PRKCZ: variants seen among roughly 807,000 people sequenced by gnomAD.
The protein encoded by PRKCZ is protein kinase C zeta, also known as protein kinase C zeta type.
In PRKCZ, 33 loss-of-function variants were observed where a neutral mutation model predicts 79.5. That is an observed-to-expected ratio of 0.41 (90% CI 0.31 to 0.55). The LOEUF (loss-of-function observed/expected upper bound fraction) is 0.55, where lower values mean the gene tolerates loss of function less well. PRKCZ is among the 20% of genes least tolerant of loss of function. PRKCZ has a pLI of 0.19. For missense variants in PRKCZ, 578 were observed against 813.5 expected (o/e 0.71, Z 3.52); for synonymous variants, 342 against 320.9 (o/e 1.07, Z -0.70).
intron 2 of PRKCZ, among the ~76,000 whole-genome samples, chr1:2,056,283 C>G (rs1660151256): frequency 6.6e-6 from 1 of 152,242 alleles, no homozygotes; most frequent in Non-Finnish European, 1.5e-5. Flanking sequence ...CGGGGTGGCT[C>G]TGACGCTGCA....
At position 2,172,021 on chromosome 1, in the gene PRKCZ, G is replaced by A. The variant is rs1684540796; in HGVS notation, c.1062-34G>A. ...AGCTGTTGGCGCAGCCTCTGGCACAGGCACTGCCCCCATGACGGCATCCCC... is the reference window on the plus strand; with the variant it reads ...AGCTGTTGGCGCAGCCTCTGGCACAAGCACTGCCCCCATGACGGCATCCCC... On this transcript the variant is annotated intron_variant, in intron 11 of 17. Transcript: ENST00000378567. This position sits in a 1 kb window ranked among gnomAD's most constrained non-coding sequence, Gnocchi z 7.8. The A allele has an allele frequency of 6.4e-7, 1 of 1,567,648 alleles. No individual in the cohort carries two copies. Among genetic ancestry groups the A allele is most frequent in the African/African-American group, 1.4e-5 (1 of 74,028 alleles).
At chr1:2,100,831 GA>G (rs1249943150) in intron 4 of PRKCZ, among the ~76,000 whole-genome samples, 2 of 152,156 alleles carry the variant, frequency 1.3e-5, no homozygotes, top group East Asian at 3.9e-4. Context: ...TGCATGAGAT[GA>G]AAGATGACAT....
chr1:2,067,724 G>A (rs145280269), intron 4 of PRKCZ, among the ~76,000 whole-genome samples: 4 of 152,292 alleles, frequency 2.6e-5, no homozygotes, highest in African/African-American at 4.8e-5. Flanking sequence ...CTGCAGTGCC[G>A]GGTGAGGCCA....
At chr1:2,130,768 T>C (rs149050776) in intron 4 of PRKCZ, among the ~76,000 whole-genome samples, 93 of 152,058 alleles carry the variant, frequency 6.1e-4, no homozygotes, top group African/African-American at 2.1e-3. Flanking sequence ...ATCTCATCCA[T>C]ACTCACCCTC....
At chr1:2,126,731 T>C (rs1252341066) in intron 4 of PRKCZ, among the ~76,000 whole-genome samples, 1 of 152,246 alleles carries the variant, frequency 6.6e-6, no homozygotes, top group African/African-American at 2.4e-5. Context: ...AGGCTTGGAC[T>C]GTGAGACTGG....
chr1:2,103,121 G>T (rs560464443), intron 4 of PRKCZ, among the ~76,000 whole-genome samples: 1 of 152,150 alleles, frequency 6.6e-6, no homozygotes, highest in Non-Finnish European at 1.5e-5. Flanking sequence ...CACTTCGCCC[G>T]CCCAAAGTAC....
chr1:2,056,619 G>C, intron 3 of PRKCZ, 46 bp downstream of exon 3: 1 of 1,537,270 alleles, frequency 6.5e-7, no homozygotes, highest in Non-Finnish European at 8.9e-7. Context: ...GGCTGTTCCT[G>C]GCTGTGGGTG....
intron 5 of PRKCZ, among the ~76,000 whole-genome samples, chr1:2,137,053 C>T (rs1192746237): frequency 6.6e-6 from 1 of 152,192 alleles, no homozygotes; most frequent in Admixed American, 6.5e-5. Flanking sequence ...GTGGCTCACT[C>T]CGAGTCCAAA....
chr1:2,053,088 G>C (rs936116851), intron 1 of PRKCZ, among the ~76,000 whole-genome samples: 2 of 151,488 alleles, frequency 1.3e-5, no homozygotes, highest in African/African-American at 4.8e-5. Flanking sequence ...AAACACTGGT[G>C]CTGGCTCTTC....
At chr1:2,112,778 C>A (rs1670014202) in intron 4 of PRKCZ, among the ~76,000 whole-genome samples, 2 of 151,906 alleles carry the variant, frequency 1.3e-5, no homozygotes, top group Non-Finnish European at 1.5e-5. Context: ...TAACCTCCAC[C>A]TCCTGGGTTC....
intron 16 of PRKCZ, among the ~76,000 whole-genome samples, chr1:2,181,006 C>T (rs754299368): frequency 2.0e-5 from 3 of 152,314 alleles, no homozygotes; most frequent in African/African-American, 4.8e-5. Flanking sequence ...CTGCCCAGCA[C>T]GTGGGGCTCG....
At chr1:2,049,577 G>A (rs533527785), upstream of PRKCZ, 1 of 152,700 alleles carries the variant, frequency 6.5e-6, no homozygotes, top group African/African-American at 2.4e-5. Context: ...CCGAGGCCAG[G>A]AACTGGGTCT....
At chr1:2,085,562 G>A (rs1664344763) in intron 4 of PRKCZ, among the ~76,000 whole-genome samples, 1 of 152,244 alleles carries the variant, frequency 6.6e-6, no homozygotes, top group African/African-American at 2.4e-5. Context: ...CAGAGCCCAT[G>A]CAGCGCCACG....
At chr1:2,067,098 G>C (rs2102280815) in intron 4 of PRKCZ, among the ~76,000 whole-genome samples, 1 of 152,270 alleles carries the variant, frequency 6.6e-6, no homozygotes, top group Non-Finnish European at 1.5e-5. Context: ...TCTGTTAACT[G>C]ATTTCTAAGT....
intron 9 of PRKCZ, 107 bp downstream of exon 9, chr1:2,151,085 T>C: frequency 7.6e-7 from 1 of 1,313,716 alleles, no homozygotes; most frequent in Non-Finnish European, 1.0e-6. Flanking sequence ...TAGCCTCACG[T>C]TGACGGAGTT....
At chr1:2,096,502 G>A (rs1666544397) in intron 4 of PRKCZ, among the ~76,000 whole-genome samples, 2 of 152,218 alleles carry the variant, frequency 1.3e-5, no homozygotes, top group South Asian at 4.1e-4. Flanking sequence ...ACAGCAGTGT[G>A]TAAAAACAGC....
In PRKCZ at chr1:2,177,334, G is replaced by A. The variant is rs1361206073; in HGVS notation, c.1575+2021G>A. Among the ~76,000 whole-genome samples the A allele has an allele frequency of 2.6e-5, 4 of 152,098 alleles. No homozygotes were observed. The highest frequency in any genetic ancestry group is 6.6e-5 in the Admixed American group (1 of 15,266). Reference sequence around the variant, plus strand: ...CGCTCCCAGCCACCTCCCCTCGCCCGTCTCAGCTCAGTCTCCCCCGTGCCT... The same window carrying A: ...CGCTCCCAGCCACCTCCCCTCGCCCATCTCAGCTCAGTCTCCCCCGTGCCT... On this transcript the variant is annotated intron_variant, in intron 16 of 17. Coordinates refer to ENST00000378567, the MANE Select transcript of PRKCZ (RefSeq NM_002744.6). The surrounding 1 kb of genome is among the most constrained non-coding windows in gnomAD (Gnocchi z 6.4).
chr1:2,136,351 G>A (rs1676199021), intron 5 of PRKCZ, among the ~76,000 whole-genome samples: 1 of 152,228 alleles, frequency 6.6e-6, no homozygotes, highest in African/African-American at 2.4e-5. Context: ...ACAAGCTCCT[G>A]AGTGACTGAA....
At chr1:2,088,416 G>A (rs1664907874) in intron 4 of PRKCZ, among the ~76,000 whole-genome samples, 1 of 152,198 alleles carries the variant, frequency 6.6e-6, no homozygotes, top group South Asian at 2.1e-4. Flanking sequence ...TTTGGCCCTG[G>A]TTGCATCCTT....
Sources: gnomAD v4.1 joint callset for allele counts (sites outside exome capture counted in the v4.1 genomes callset) on GRCh38, gnomAD v4.1.1 for gene constraint, Gnocchi (gnomAD v3.1) non-coding constraint, MANE v1.5 for transcripts, NCBI Gene and HGNC (gene_info 2026-07-23, HGNC 2026-07-21) for gene names.